Variants in SOCS6 observed in about 807,000 individuals in gnomAD.
SOCS6 encodes STAT induced STAT inhibitor-4.
Under a neutral mutation model 27.7 loss-of-function variants are expected in SOCS6, and 5 were observed. The observed-to-expected ratio is 0.18, with a 90% CI of 0.09 to 0.38. The LOEUF is 0.38. Among genes scored for constraint, SOCS6 ranks in the 10% least tolerant of loss-of-function variants. The probability of loss-of-function intolerance (pLI) is 1.00; values close to 1 mark genes in which losing one functional copy is unlikely to be tolerated. For synonymous variants in SOCS6, 271 were observed against 260.0 expected (o/e 1.04, Z -0.41); for missense variants, 595 against 688.1 (o/e 0.86, Z 1.51).
rs1218034868 is a variant in SOCS6, at chr18:70,324,925, A to G, written c.257A>G (p.Lys86Arg). The G allele has an allele frequency of 1.2e-6, 2 of 1,614,052 alleles. No individual in the cohort carries two copies. Among genetic ancestry groups the G allele is most frequent in the African/African-American group, 1.3e-5 (1 of 74,928 alleles). ...TLKRRLSAKQ[K>R]SKGKAGTPSG... ...AAAAGGCGGCTTTCTGCAAAACAGA[A>G]GTCAAAAGGCAAGGCGGGCACACCC... Residue 86 changes from lysine (K) to arginine (R), a missense_variant, in exon 2 of 2, where the codon AAG (lysine) becomes AGG (arginine). Transcript: ENST00000397942.
intron 1 of SOCS6, among the ~76,000 whole-genome samples, chr18:70,320,185 C>T (rs1239409689): frequency 1.3e-5 from 2 of 152,024 alleles, no homozygotes; most frequent in African/African-American, 4.8e-5. Context: ...GACGGGGTTT[C>T]ACCATGTTGG....
At chr18:70,318,760 AC>A (rs1435861793) in intron 1 of SOCS6, among the ~76,000 whole-genome samples, 1 of 151,884 alleles carries the variant, frequency 6.6e-6, no homozygotes, top group Non-Finnish European at 1.5e-5. Context: ...ACATGGCAAA[AC>A]CCTGTCTCTA....
Position 70,320,005 on chromosome 18 carries a change from T to G in SOCS6, c.-126-4538T>G, listed in dbSNP as rs559995543. Among the ~76,000 whole-genome samples, 278 of 152,248 alleles carry G rather than the reference T, an allele frequency of 1.8e-3. 2 individuals carry two copies. Among genetic ancestry groups the G allele is most frequent in the South Asian group, 3.7e-3 (18 of 4,824 alleles). On this transcript the variant is annotated intron_variant, in intron 1 of 1. Transcript: ENST00000397942. Reference sequence around the variant, plus strand: ...GTGATAAAATTCAAAGTTTCTTTTTTTTTTTGAGATGGAGTCTTGCTTGTT... The same window carrying G: ...GTGATAAAATTCAAAGTTTCTTTTTGTTTTTGAGATGGAGTCTTGCTTGTT...
At chr18:70,296,009 T>C (rs2062321160) in intron 1 of SOCS6, among the ~76,000 whole-genome samples, 1 of 152,170 alleles carries the variant, frequency 6.6e-6, no homozygotes, top group African/African-American at 2.4e-5. Flanking sequence ...TGGAGAAAGA[T>C]ACAGAAGGCA....
At chr18:70,293,757 G>T (rs577823482) in intron 1 of SOCS6, among the ~76,000 whole-genome samples, 1 of 152,126 alleles carries the variant, frequency 6.6e-6, no homozygotes, top group African/African-American at 2.4e-5. Flanking sequence ...GTTCCTTTAC[G>T]TATATAATAA....
chr18:70,316,638 A>G (rs1167056387), intron 1 of SOCS6, among the ~76,000 whole-genome samples: 1 of 151,844 alleles, frequency 6.6e-6, no homozygotes, highest in African/African-American at 2.4e-5. Context: ...CCATCTTACC[A>G]TTGTTACTCT....
chr18:70,318,632 A>G (rs577606263), intron 1 of SOCS6, among the ~76,000 whole-genome samples: 2 of 151,442 alleles, frequency 1.3e-5, no homozygotes, highest in East Asian at 3.9e-4. Flanking sequence ...TTTTTTAATC[A>G]GATCTTAAAA....
At chr18:70,320,182 T>A (rs1234185832) in intron 1 of SOCS6, among the ~76,000 whole-genome samples, 1 of 151,980 alleles carries the variant, frequency 6.6e-6, no homozygotes, top group African/African-American at 2.4e-5. Context: ...AGAGACGGGG[T>A]TTCACCATGT....
intron 1 of SOCS6, among the ~76,000 whole-genome samples, chr18:70,312,181 G>A (rs753539990): frequency 2.6e-5 from 4 of 152,134 alleles, no homozygotes; most frequent in East Asian, 1.9e-4. Context: ...AATATAGTAC[G>A]TGAACTTACG....
chr18:70,311,550 A>G (rs2062390897), intron 1 of SOCS6, among the ~76,000 whole-genome samples: 1 of 152,184 alleles, frequency 6.6e-6, no homozygotes, highest in Non-Finnish European at 1.5e-5. Context: ...GTCATTTTGT[A>G]GTAATGTAAA....
In SOCS6 at chr18:70,327,308, A is replaced by C. The variant is rs1396613140; in HGVS notation, c.*1032A>C. The stretch of plus-strand genomic sequence containing the variant: ...TTAAATTGATTTGAATAGAAAGAAA[A>C]CATTGTTTTAAAGTTGGATTTATAT... On this transcript the variant is annotated 3_prime_UTR_variant, in exon 2 of 2. Coordinates refer to ENST00000397942, the MANE Select transcript of SOCS6 (RefSeq NM_004232.4). 2.4e-5 allele frequency: 4 copies of C among 166,708 alleles called. No individual in the cohort carries two copies. The highest frequency in any genetic ancestry group is 5.9e-5 in the Non-Finnish European group (4 of 68,078). 10.3% of individuals were successfully genotyped at this position (166,708 alleles called of 1,614,324 possible). A position where few individuals can be genotyped will look rare whatever the true frequency, so the allele number is the denominator to read the frequency against.
intron 1 of SOCS6, among the ~76,000 whole-genome samples, chr18:70,306,786 A>C (rs1445138107): frequency 6.6e-6 from 1 of 152,198 alleles, no homozygotes; most frequent in African/African-American, 2.4e-5. Flanking sequence ...AGTTTTTATC[A>C]ATAGGTGTTG....
intron 1 of SOCS6, among the ~76,000 whole-genome samples, chr18:70,304,560 C>T (rs1160280960): frequency 2.0e-5 from 3 of 152,270 alleles, no homozygotes; most frequent in South Asian, 2.1e-4. Context: ...AGCACCTTTT[C>T]GTGTGCTTAT....
intron 1 of SOCS6, among the ~76,000 whole-genome samples, chr18:70,296,404 TTTG>T (rs2062322954): frequency 6.6e-6 from 1 of 152,202 alleles, no homozygotes; most frequent in African/African-American, 2.4e-5. Context: ...GGCCTCTTCC[TTTG>T]GGTCCAATCT....
chr18:70,323,853 C>T (rs1426588174), intron 1 of SOCS6, among the ~76,000 whole-genome samples: 1 of 152,154 alleles, frequency 6.6e-6, no homozygotes. Flanking sequence ...TGGGACATGG[C>T]AGGCAGCGGA....
intron 1 of SOCS6, among the ~76,000 whole-genome samples, chr18:70,297,331 AT>A (rs1352990795): frequency 6.9e-6 from 1 of 144,408 alleles, no homozygotes; most frequent in Non-Finnish European, 1.5e-5. Context: ...AAAGAAGTGT[AT>A]GTTTAATCAG....
chr18:70,319,761 A>C (rs1418038433), intron 1 of SOCS6, among the ~76,000 whole-genome samples: 1 of 152,186 alleles, frequency 6.6e-6, no homozygotes, highest in Non-Finnish European at 1.5e-5. Context: ...TTTCCAGTAC[A>C]TACTGAAGAA....
intron 1 of SOCS6, among the ~76,000 whole-genome samples, chr18:70,304,932 C>T (rs1000034039): frequency 2.0e-4 from 30 of 152,122 alleles, no homozygotes; most frequent in African/African-American, 6.5e-4. Flanking sequence ...CATGGCCGAG[C>T]GCGGTGGCTC....
rs1464058653 is a variant in SOCS6 at position 70,327,433 on chromosome 18, A to T, written c.*1157A>T. 1 of 166,708 alleles carries T rather than the reference A, an allele frequency of 6.0e-6. No homozygotes were observed. Among genetic ancestry groups the T allele is most frequent in the Non-Finnish European group, 1.5e-5 (1 of 68,044 alleles). 10.3% of individuals were successfully genotyped at this position (166,708 alleles called of 1,614,324 possible). ...GATGACTTTAGTTTAAAAATTGTGGAAATTGTGGAGCAATTTTTCTCACAA... is the reference window on the plus strand; with the variant it reads ...GATGACTTTAGTTTAAAAATTGTGGTAATTGTGGAGCAATTTTTCTCACAA... On this transcript the variant is annotated 3_prime_UTR_variant, in exon 2 of 2. Coordinates refer to ENST00000397942, the MANE Select transcript of SOCS6 (RefSeq NM_004232.4).
Sources: allele counts gnomAD v4.1 joint callset (sites outside exome capture counted in the v4.1 genomes callset), GRCh38; gene constraint gnomAD v4.1.1; transcripts MANE v1.5; gene names NCBI Gene and HGNC (gene_info 2026-07-23, HGNC 2026-07-21).